Variants in FMN1 observed in about 807,000 individuals in gnomAD.
FMN1 encodes the protein formin-1.
A neutral mutation model predicts 132.4 loss-of-function variants in FMN1; 110 were observed. The ratio of observed to expected loss-of-function variants is 0.83; its 90% confidence interval spans 0.71 to 0.97. The LOEUF (loss-of-function observed/expected upper bound fraction) is 0.97. Ranked by LOEUF, FMN1 falls within the 50% of genes least tolerant of loss-of-function variation. The probability of loss-of-function intolerance (pLI) is 0.00; values close to 1 mark genes in which losing one functional copy is unlikely to be tolerated. For synonymous variants in FMN1, 722 were observed against 651.7 expected (o/e 1.11, Z -1.64); for missense variants, 1,792 against 1,705.3 (o/e 1.05, Z -0.90).
intron 7 of FMN1, among the ~76,000 whole-genome samples, chr15:33,003,935 C>A (rs1173233917): frequency 6.6e-6 from 1 of 152,122 alleles, no homozygotes; most frequent in Non-Finnish European, 1.5e-5. Flanking sequence ...CAAAAACAAG[C>A]AATGGGGAAA....
At chr15:33,118,905 A>C (rs1445931234) in intron 4 of FMN1, among the ~76,000 whole-genome samples, 1 of 150,280 alleles carries the variant, frequency 6.7e-6, no homozygotes, top group Non-Finnish European at 1.5e-5. Flanking sequence ...TTGGCCGTAA[A>C]CCTTCCTTTA....
intron 6 of FMN1, among the ~76,000 whole-genome samples, chr15:33,011,888 C>G (rs1036796580): frequency 7.2e-5 from 11 of 152,186 alleles, no homozygotes; most frequent in Non-Finnish European, 1.5e-5. Flanking sequence ...ACAACAGAGC[C>G]TTGGTGAAGA....
rs1325578718 is a variant in FMN1 at position 33,062,486 on chromosome 15, G to C, written c.2161+2471C>G. ...AATGCAAAAAAAATAGTCGGGCATG[G>C]TGGCGGGCGCCTGTAGTCCCAGCTA... is the stretch of plus-strand genomic sequence containing the variant. On this transcript the variant is annotated intron_variant, in intron 6 of 20. Coordinates refer to ENST00000616417, the MANE Select transcript of FMN1 (RefSeq NM_001277313.2). Among the ~76,000 whole-genome samples, 3 of 152,112 alleles carry C rather than the reference G, an allele frequency of 2.0e-5. No homozygotes were observed. In the East Asian group the frequency reaches 5.8e-4, roughly 29 times the overall value.
intron 6 of FMN1, among the ~76,000 whole-genome samples, chr15:33,042,721 C>T (rs2036497400): frequency 6.6e-6 from 1 of 151,826 alleles, no homozygotes; most frequent in Admixed American, 6.6e-5. Flanking sequence ...GCTTACATTA[C>T]TTTGGTTTCA....
intron 6 of FMN1, chr15:33,013,107 C>A: frequency 2.4e-6 from 1 of 409,802 alleles, no homozygotes; most frequent in Non-Finnish European, 4.8e-6. Context: ...AGAGTAGAGC[C>A]AGAGAAGTGA....
intron 17 of FMN1, among the ~76,000 whole-genome samples, chr15:32,810,713 T>C (rs964077788): frequency 6.6e-6 from 1 of 152,180 alleles, no homozygotes; most frequent in African/African-American, 2.4e-5. Context: ...AGTGGGGCTT[T>C]TATGCCAAAC....
chr15:32,907,273 C>T (rs149735242), intron 12 of FMN1, among the ~76,000 whole-genome samples: 2 of 152,184 alleles, frequency 1.3e-5, no homozygotes, highest in Non-Finnish European at 2.9e-5. Flanking sequence ...CCCTGATGGT[C>T]CCTCTAGCTT....
rs772907945 is a variant in FMN1, at chr15:32,908,477, T to G, written c.3377+13A>C. Reference sequence around the variant, plus strand: ...TCCTTTTGGCCTAACAGAAAAATGTTAAGTATCCTTACTGCTCAGGTTTAT... The same window carrying G: ...TCCTTTTGGCCTAACAGAAAAATGTGAAGTATCCTTACTGCTCAGGTTTAT... On this transcript the variant is annotated intron_variant, in intron 12 of 20. Coordinates refer to ENST00000616417, the MANE Select transcript of FMN1 (RefSeq NM_001277313.2). 14 of 1,573,802 alleles carry G rather than the reference T, an allele frequency of 8.9e-6. No homozygotes were observed. Among genetic ancestry groups the G allele is most frequent in the Non-Finnish European group, 1.2e-5 (14 of 1,144,530 alleles).
chr15:33,094,363 C>A (rs2039004243), intron 4 of FMN1, among the ~76,000 whole-genome samples: 1 of 152,140 alleles, frequency 6.6e-6, no homozygotes, highest in Non-Finnish European at 1.5e-5. Flanking sequence ...AAGTAAAGAA[C>A]TCTATATACA....
chr15:32,965,927 C>G (rs1331065584), intron 8 of FMN1, among the ~76,000 whole-genome samples: 1 of 152,158 alleles, frequency 6.6e-6, no homozygotes, highest in Non-Finnish European at 1.5e-5. Context: ...CACTTAACTT[C>G]AACTTGAAGC....
chr15:32,990,956 A>T (rs2033397561), intron 7 of FMN1, among the ~76,000 whole-genome samples: 1 of 152,144 alleles, frequency 6.6e-6, no homozygotes, highest in African/African-American at 2.4e-5. Flanking sequence ...CTCCCATGAC[A>T]CGTACGGATT....
rs557270178 is a variant in FMN1, at chr15:32,940,793, C to A, written c.3139-14532G>T. Reference sequence around the variant, plus strand: ...ACACTGTAACTCATGGTCTGGGTGTCCAAACAGAAAGGACTCTTACCATTC... The same window carrying A: ...ACACTGTAACTCATGGTCTGGGTGTACAAACAGAAAGGACTCTTACCATTC... On this transcript the variant is annotated intron_variant, in intron 9 of 20. Coordinates refer to ENST00000616417, the MANE Select transcript of FMN1 (RefSeq NM_001277313.2). 1.3e-3 allele frequency among the ~76,000 whole-genome samples: 197 copies of A among 152,198 alleles called. 1 individual carries two copies. Among genetic ancestry groups the A allele is most frequent in the Non-Finnish European group, 6.5e-4 (44 of 67,992 alleles).
At chr15:32,826,249 A>C (rs920500696) in intron 17 of FMN1, among the ~76,000 whole-genome samples, 2 of 152,166 alleles carry the variant, frequency 1.3e-5, no homozygotes, top group African/African-American at 4.8e-5. Flanking sequence ...GAGACACGTG[A>C]GGTCAAGTGT....
intron 6 of FMN1, chr15:33,012,896 A>G (rs2034811393): frequency 1.8e-6 from 1 of 567,496 alleles, no homozygotes; most frequent in South Asian, 1.4e-5. Flanking sequence ...GGAAGCTACA[A>G]TGATTTTGGC....
intron 4 of FMN1, among the ~76,000 whole-genome samples, chr15:33,101,545 G>A (rs956369341): frequency 6.6e-6 from 1 of 152,154 alleles, no homozygotes; most frequent in Non-Finnish European, 1.5e-5. Flanking sequence ...TGGGATAGGA[G>A]TTGGACAAGC....
At chr15:32,962,477 AC>A (rs1567470003) in intron 9 of FMN1, among the ~76,000 whole-genome samples, 1 of 151,716 alleles carries the variant, frequency 6.6e-6, no homozygotes, top group African/African-American at 2.4e-5. Flanking sequence ...GCAACAAAAG[AC>A]AAAATTGACA....
intron 19 of FMN1, among the ~76,000 whole-genome samples, chr15:32,777,538 A>ATATAACAC (rs1567149421): frequency 0.03 from 2,482 of 81,698 alleles, 456 homozygotes; most frequent in East Asian, 0.16. Flanking sequence ...ATAACATAAC[A>ATATAACAC]TTTATATATT....
chr15:33,177,140 G>A (rs1166673754), intron 3 of FMN1, among the ~76,000 whole-genome samples: 1 of 152,190 alleles, frequency 6.6e-6, no homozygotes. Context: ...GCACAGGAGG[G>A]TAACTTGTCC....
chr15:33,029,045 T>A (rs1566843825), intron 6 of FMN1, among the ~76,000 whole-genome samples: 1 of 152,204 alleles, frequency 6.6e-6, no homozygotes, highest in Non-Finnish European at 1.5e-5. Context: ...AATATCTATC[T>A]GCAAATTGAA....
Sources: gnomAD v4.1 joint callset for allele counts (sites outside exome capture counted in the v4.1 genomes callset) on GRCh38, gnomAD v4.1.1 for gene constraint, MANE v1.5 for transcripts, NCBI Gene and HGNC (gene_info 2026-07-23, HGNC 2026-07-21) for gene names.